Variants in SLC5A4 observed in about 807,000 individuals in gnomAD.
SLC5A4 encodes probable glucose sensor protein SLC5A4.
Under a neutral mutation model 70.3 loss-of-function variants are expected in SLC5A4, and 55 were observed. The observed-to-expected ratio is 0.78, with a 90% CI of 0.63 to 0.98. SLC5A4 has a LOEUF of 0.98. SLC5A4 is among the 50% of genes least tolerant of loss of function. The probability of loss-of-function intolerance (pLI) is 0.00; values close to 1 mark genes in which losing one functional copy is unlikely to be tolerated. For synonymous variants in SLC5A4, 268 were observed against 305.7 expected (o/e 0.88, Z 1.29); for missense variants, 735 against 839.2 (o/e 0.88, Z 1.53).
the SLC5A4 span, among the ~76,000 whole-genome samples, chr22:32,351,532 T>A: frequency 2.0e-5 from 3 of 150,880 alleles, no homozygotes; most frequent in Non-Finnish European, 2.9e-5. Flanking sequence ...CGAAACCCCA[T>A]CTCTACTAAA....
At chr22:32,264,864 C>G in the SLC5A4 span, among the ~76,000 whole-genome samples, 1 of 152,028 alleles carries the variant, frequency 6.6e-6, no homozygotes, top group Non-Finnish European at 1.5e-5. Context: ...GTGTGAACCC[C>G]GCACGTTTAT....
the SLC5A4 span, among the ~76,000 whole-genome samples, chr22:32,344,692 T>C: frequency 4.6e-5 from 7 of 152,200 alleles, no homozygotes; most frequent in African/African-American, 1.7e-4. Context: ...CATGCAGACA[T>C]GAAGCTTCCA....
chr22:32,315,316 G>A, the SLC5A4 span, among the ~76,000 whole-genome samples: 1 of 152,068 alleles, frequency 6.6e-6, no homozygotes, highest in Non-Finnish European at 1.5e-5. Flanking sequence ...AAGTAGGAGG[G>A]GTGGAGGTGA....
chr22:32,279,021 A>T, the SLC5A4 span, among the ~76,000 whole-genome samples: 2 of 152,258 alleles, frequency 1.3e-5, no homozygotes, highest in Non-Finnish European at 2.9e-5. Context: ...TCACGCCTGT[A>T]ATCCCAGCAC....
intron 9 of SLC5A4, among the ~76,000 whole-genome samples, chr22:32,232,021 C>T (rs1027650644): frequency 3.9e-5 from 6 of 152,136 alleles, no homozygotes; most frequent in African/African-American, 1.4e-4. Context: ...GCTGGGACTA[C>T]AGAACACATC....
the SLC5A4 span, among the ~76,000 whole-genome samples, chr22:32,311,152 CACTT>C: frequency 4.6e-5 from 7 of 152,228 alleles, no homozygotes; most frequent in East Asian, 1.9e-4. Context: ...GGGTCTCACT[CACTT>C]GTCCCTCGAA....
chr22:32,311,937 C>T, the SLC5A4 span, among the ~76,000 whole-genome samples: 19 of 152,132 alleles, frequency 1.2e-4, no homozygotes, highest in African/African-American at 2.4e-5. Context: ...TGAGGTCAAA[C>T]GAGGGGTTGG....
the SLC5A4 span, among the ~76,000 whole-genome samples, chr22:32,337,750 G>A: frequency 6.6e-6 from 1 of 152,122 alleles, no homozygotes; most frequent in African/African-American, 2.4e-5. Flanking sequence ...CGTAAATACT[G>A]GTGCTGTCAC....
At chr22:32,254,302 G>T in intron 1 of SLC5A4, 89 bp from the exon 2 acceptor site, 1 of 879,602 alleles carries the variant, frequency 1.1e-6, no homozygotes, top group South Asian at 1.3e-5. Context: ...TGAGAGGGGT[G>T]ACTTCAGCAC....
intron 13 of SLC5A4, among the ~76,000 whole-genome samples, chr22:32,221,260 TAA>T (rs1925066105): frequency 6.6e-6 from 1 of 152,214 alleles, no homozygotes; most frequent in African/African-American, 2.4e-5. Context: ...ATGATATACT[TAA>T]AAATACCTAC....
At chr22:32,323,604 G>T in the SLC5A4 span, among the ~76,000 whole-genome samples, 3 of 152,234 alleles carry the variant, frequency 2.0e-5, no homozygotes, top group South Asian at 6.2e-4. Flanking sequence ...GCTGGAAAAG[G>T]TTGGAACAGA....
At chr22:32,301,910 T>C in the SLC5A4 span, among the ~76,000 whole-genome samples, 1 of 151,768 alleles carries the variant, frequency 6.6e-6, no homozygotes. Context: ...CAATTACAAA[T>C]TGTACTGACA....
chr22:32,331,103 A>T, the SLC5A4 span, among the ~76,000 whole-genome samples: 2 of 22,474 alleles, frequency 8.9e-5, no homozygotes, highest in Non-Finnish European at 8.2e-5. Context: ...TGTGTGTTGG[A>T]GGCTCTTGTG....
rs549870774 is a variant in SLC5A4 at position 32,255,338 on chromosome 22, G to A, written c.-9C>T. On this transcript the variant is annotated 5_prime_UTR_variant, in exon 1 of 15. Transcript: ENST00000266086. Reference sequence around the variant, plus strand: ...CTAACCGTACTGGCCATGGCTGCAGGCAGTGCTATACCCATTCCACGCATG... The same window carrying A: ...CTAACCGTACTGGCCATGGCTGCAGACAGTGCTATACCCATTCCACGCATG... 3 of 1,614,064 alleles carry A rather than the reference G, an allele frequency of 1.9e-6. No homozygotes were observed. The highest frequency in any genetic ancestry group is 4.5e-5 in the East Asian group (2 of 44,886).
At chr22:32,351,165 AATG>A in the SLC5A4 span, among the ~76,000 whole-genome samples, 9 of 152,334 alleles carry the variant, frequency 5.9e-5, no homozygotes, top group South Asian at 1.7e-3. Flanking sequence ...TGGTTCTCTT[AATG>A]ATCTCATACA....
chr22:32,269,961 G>C, the SLC5A4 span: 1 of 527,334 alleles, frequency 1.9e-6, no homozygotes, highest in Admixed American at 2.3e-5. This position sits in a 1 kb window ranked among gnomAD's most constrained non-coding sequence, Gnocchi z 4.1. Flanking sequence ...ACCTGTTCCT[G>C]AGTTCTTGCC....
chr22:32,327,991 G>A, the SLC5A4 span, among the ~76,000 whole-genome samples: 1 of 151,986 alleles, frequency 6.6e-6, no homozygotes, highest in African/African-American at 2.4e-5. Flanking sequence ...CAAGCTGTGT[G>A]ACCTTGGACC....
At chr22:32,320,376 G>T in the SLC5A4 span, among the ~76,000 whole-genome samples, 11 of 152,180 alleles carry the variant, frequency 7.2e-5, no homozygotes, top group Admixed American at 7.2e-4. Context: ...TTATCCTACA[G>T]ACATGCTCAC....
At chr22:32,279,102 C>T in the SLC5A4 span, among the ~76,000 whole-genome samples, 2 of 152,054 alleles carry the variant, frequency 1.3e-5, no homozygotes, top group Non-Finnish European at 2.9e-5. Context: ...CGGTGAAACC[C>T]CGTCTCCACT....
Sources: allele counts gnomAD v4.1 joint callset (sites outside exome capture counted in the v4.1 genomes callset), GRCh38; gene constraint gnomAD v4.1.1; non-coding constraint Gnocchi (gnomAD v3.1); transcripts MANE v1.5; gene names NCBI Gene and HGNC (gene_info 2026-07-23, HGNC 2026-07-21).